MAP3K13: variants seen among roughly 807,000 people sequenced by gnomAD.
MAP3K13 encodes the protein mitogen-activated protein kinase kinase kinase 13.
In MAP3K13, 52 loss-of-function variants were observed where a neutral mutation model predicts 104.0. That is an observed-to-expected ratio of 0.50 (90% CI 0.40 to 0.63). The LOEUF (loss-of-function observed/expected upper bound fraction) is 0.63. Ranked by LOEUF, MAP3K13 falls within the 20% of genes least tolerant of loss-of-function variation. The pLI is 0.00. For synonymous variants in MAP3K13, 394 were observed against 442.2 expected (o/e 0.89, Z 1.37); for missense variants, 914 against 1,218.5 (o/e 0.75, Z 3.72).
At position 185,466,821 on chromosome 3, in the gene MAP3K13, T is replaced by C. The variant is rs1717460852; in HGVS notation, c.1506-5T>C. ...TGAGGTGTGGCTTTTGCCTTTATTC[T>C]GCAGGCGTGAGCAAGCAGTGGAAAA... On this transcript the variant is annotated splice_polypyrimidine_tract_variant and splice_region_variant and intron_variant, in intron 9 of 13. Transcript: ENST00000265026. 3.7e-6 allele frequency: 6 copies of C among 1,614,010 alleles called. No individual in the cohort carries two copies. The highest frequency in any genetic ancestry group is 1.3e-5 in the African/African-American group (1 of 75,058).
chr3:185,418,069 A>C lies in MAP3K13; in HGVS notation c.-85-10428A>C, dbSNP rs563353860. 3.0e-5 allele frequency: 49 copies of C among 1,611,876 alleles called. No homozygotes were observed. In the East Asian group the frequency reaches 1.0e-3, roughly 33 times the overall value. ...ATGCCCACCAGGAGCAAGCTTCAAAATGTTCAGCTTGCTTACATTAAGCAG... is the reference window on the plus strand; with the variant it reads ...ATGCCCACCAGGAGCAAGCTTCAAACTGTTCAGCTTGCTTACATTAAGCAG... On this transcript the variant is annotated intron_variant, in intron 1 of 13. Transcript: ENST00000265026. The surrounding 1 kb of genome is among the most constrained non-coding windows in gnomAD (Gnocchi z 4.5).
intron 2 of MAP3K13, among the ~76,000 whole-genome samples, chr3:185,335,288 A>C (rs938963265): frequency 6.6e-6 from 1 of 152,198 alleles, no homozygotes; most frequent in Non-Finnish European, 1.5e-5. Flanking sequence ...TCTCCTCAAA[A>C]TATAGTATTT....
chr3:185,374,048 A>AG (rs899636272), intron 1 of MAP3K13, among the ~76,000 whole-genome samples: 2 of 152,140 alleles, frequency 1.3e-5, no homozygotes, highest in Non-Finnish European at 2.9e-5. Flanking sequence ...AACCTTCTTA[A>AG]GGGTGGGGGA....
intron 7 of MAP3K13, among the ~76,000 whole-genome samples, chr3:185,458,485 C>T (rs1716901759): frequency 6.6e-6 from 1 of 151,734 alleles, no homozygotes; most frequent in Non-Finnish European, 1.5e-5. Flanking sequence ...GTACTAAGTA[C>T]AAAAATTAAG....
At chr3:185,433,390 T>C (rs1431350042) in intron 2 of MAP3K13, among the ~76,000 whole-genome samples, 2 of 152,226 alleles carry the variant, frequency 1.3e-5, no homozygotes, top group Non-Finnish European at 2.9e-5. Flanking sequence ...GGACTAACTC[T>C]AGAGAGAGTG....
At chr3:185,422,117 G>C (rs1160507096) in intron 1 of MAP3K13, among the ~76,000 whole-genome samples, 1 of 152,178 alleles carries the variant, frequency 6.6e-6, no homozygotes, top group Non-Finnish European at 1.5e-5. Context: ...TAGGCGCAGG[G>C]TCACCCCGCT....
chr3:185,299,668 G>A (rs1246104763), intron 2 of MAP3K13, among the ~76,000 whole-genome samples: 1 of 30,576 alleles, frequency 3.3e-5, no homozygotes, highest in East Asian at 1.0e-3. Context: ...CCGGGTTCAC[G>A]CCATTCTCCT....
intron 2 of MAP3K13, among the ~76,000 whole-genome samples, chr3:185,336,575 A>AGTATCCCT (rs1722513429): frequency 6.8e-6 from 1 of 147,148 alleles, no homozygotes; most frequent in African/African-American, 2.5e-5. Context: ...AAGTTTAAGG[A>AGTATCCCT]ATAATATTTC....
intron 2 of MAP3K13, among the ~76,000 whole-genome samples, chr3:185,348,984 A>T (rs1723038160): frequency 6.6e-6 from 1 of 152,178 alleles, no homozygotes; most frequent in Non-Finnish European, 1.5e-5. Flanking sequence ...TTTTGAAAAG[A>T]AAAGAGGAGC....
At chr3:185,285,488 C>T (rs1720476444) in intron 1 of MAP3K13, 2 of 699,866 alleles carry the variant, frequency 2.9e-6, no homozygotes, top group Non-Finnish European at 4.8e-6. Flanking sequence ...TACCTTAGGT[C>T]TGTACATTGA....
chr3:185,460,984 AG>A lies in MAP3K13; in HGVS notation c.1279-2565del, dbSNP rs574605523. 3.0e-3 allele frequency among the ~76,000 whole-genome samples: 463 copies of A among 152,342 alleles called. 5 individuals are homozygous for A. Among genetic ancestry groups the A allele is most frequent in the African/African-American group, 0.01 (430 of 41,570 alleles). On this transcript the variant is annotated intron_variant, in intron 7 of 13. Coordinates refer to ENST00000265026, the MANE Select transcript of MAP3K13 (RefSeq NM_004721.5). ...GGATACAGTGACAGTTTTGCACAAAAGAGGATACTTCAAGACACAAATCTGA... is the reference window on the plus strand; with the variant it reads ...GGATACAGTGACAGTTTTGCACAAAAAGGATACTTCAAGACACAAATCTGA...
chr3:185,370,765 CT>C (rs1724116535), intron 1 of MAP3K13, among the ~76,000 whole-genome samples: 1 of 140,198 alleles, frequency 7.1e-6, no homozygotes, highest in Non-Finnish European at 1.5e-5. Flanking sequence ...AAAAAAAAAG[CT>C]TCCATTAGAC....
chr3:185,394,033 G>C (rs1712235977), intron 1 of MAP3K13, among the ~76,000 whole-genome samples: 1 of 152,180 alleles, frequency 6.6e-6, no homozygotes, highest in South Asian at 2.1e-4. Context: ...TAGCCAAGAT[G>C]TGGATGTTGG....
chr3:185,474,424 G>A (rs1436663312), intron 11 of MAP3K13, among the ~76,000 whole-genome samples: 2 of 152,162 alleles, frequency 1.3e-5, no homozygotes, highest in East Asian at 1.9e-4. Context: ...GATGTTATGG[G>A]AAGTAAAGAG....
At chr3:185,479,215 G>A (rs1718310822) in intron 12 of MAP3K13, among the ~76,000 whole-genome samples, 2 of 152,218 alleles carry the variant, frequency 1.3e-5, no homozygotes, top group African/African-American at 4.8e-5. Flanking sequence ...AACAGAGGTA[G>A]TGAAAGCACT....
chr3:185,344,229 T>TC (rs781537925), intron 2 of MAP3K13, among the ~76,000 whole-genome samples: 1 of 152,184 alleles, frequency 6.6e-6, no homozygotes, highest in Non-Finnish European at 1.5e-5. Context: ...TATCTGCTAG[T>TC]CCTGGTATAT....
At chr3:185,319,756 T>G (rs1721794265) in intron 2 of MAP3K13, among the ~76,000 whole-genome samples, 1 of 152,238 alleles carries the variant, frequency 6.6e-6, no homozygotes, top group African/African-American at 2.4e-5. Context: ...AACCTCCTAA[T>G]TATGAATGTT....
In MAP3K13 at chr3:185,427,845, G is replaced by A. The variant is rs7641557; in HGVS notation, c.-85-652G>A. ...TGTAATCCCAACACTTTGGGAGGCC[G>A]AGGGGGTTGGATCACCTAAGGTCAG... On this transcript the variant is annotated intron_variant, in intron 1 of 13. Transcript: ENST00000265026. Among the ~76,000 whole-genome samples, 597 of 152,232 alleles carry A rather than the reference G, an allele frequency of 3.9e-3. 4 individuals carry two copies. Among genetic ancestry groups the A allele is most frequent in the African/African-American group, 0.014 (570 of 41,532 alleles).
chr3:185,311,336 A>G (rs141316432), intron 2 of MAP3K13, among the ~76,000 whole-genome samples: 286 of 152,302 alleles, frequency 1.9e-3, no homozygotes, highest in Non-Finnish European at 3.6e-3. Context: ...AGAAGAAGCA[A>G]AAGTGAAAAC....
Sources: allele counts gnomAD v4.1 joint callset (sites outside exome capture counted in the v4.1 genomes callset), GRCh38; gene constraint gnomAD v4.1.1; non-coding constraint Gnocchi (gnomAD v3.1); transcripts MANE v1.5; gene names NCBI Gene and HGNC (gene_info 2026-07-23, HGNC 2026-07-21).